The following AGBL4 variants were observed in gnomAD, a reference collection of about 807,000 sequenced individuals.
The protein encoded by AGBL4 is cytosolic carboxypeptidase 6.
Under a neutral mutation model 66.4 loss-of-function variants are expected in AGBL4, and 58 were observed. The observed-to-expected ratio is 0.87, with a 90% CI of 0.71 to 1.09. The LOEUF (loss-of-function observed/expected upper bound fraction) is 1.09, where lower values mean the gene tolerates loss of function less well. AGBL4 is among the 50% of genes least tolerant of loss of function. AGBL4 has a pLI of 0.00. For missense variants in AGBL4, 579 were observed against 631.0 expected (o/e 0.92, Z 0.88); for synonymous variants, 234 against 222.9 (o/e 1.05, Z -0.44).
intron 3 of AGBL4, among the ~76,000 whole-genome samples, chr1:49,390,893 C>G (rs1644831084): frequency 6.6e-6 from 1 of 152,016 alleles, no homozygotes; most frequent in Non-Finnish European, 1.5e-5. Context: ...TTTTAAGGAG[C>G]TCATAGAGAA....
chr1:49,193,132 T>C (rs1310893937), intron 4 of AGBL4, among the ~76,000 whole-genome samples: 1 of 152,212 alleles, frequency 6.6e-6, no homozygotes, highest in Non-Finnish European at 1.5e-5. Context: ...TAGCAGTTTA[T>C]CAATTTTAAC....
chr1:49,006,015 A>G (rs573285589), intron 5 of AGBL4, among the ~76,000 whole-genome samples: 23 of 149,486 alleles, frequency 1.5e-4, no homozygotes, highest in South Asian at 4.2e-4. Flanking sequence ...AAAAAAAGGG[A>G]GGAGGAGCCA....
chr1:49,981,637 A>G (rs895948229), intron 1 of AGBL4, among the ~76,000 whole-genome samples: 6 of 152,148 alleles, frequency 3.9e-5, no homozygotes, highest in African/African-American at 1.4e-4. Context: ...AGCTCCACCA[A>G]TGACTAGCTA....
chr1:48,541,817 T>C (rs895676248), intron 11 of AGBL4, among the ~76,000 whole-genome samples: 1 of 152,194 alleles, frequency 6.6e-6, no homozygotes, highest in Non-Finnish European at 1.5e-5. Context: ...CTAATACTTA[T>C]ATAATGTTTA....
chr1:49,508,924 A>G (rs1039857292), intron 3 of AGBL4, among the ~76,000 whole-genome samples: 2 of 151,980 alleles, frequency 1.3e-5, no homozygotes, highest in Admixed American at 1.3e-4. Context: ...AATTCATCCA[A>G]TAAGACATGA....
chr1:48,532,257 T>C (rs1471790331), downstream of AGBL4, among the ~76,000 whole-genome samples: 1 of 152,214 alleles, frequency 6.6e-6, no homozygotes, highest in African/African-American at 2.4e-5. Flanking sequence ...TAAACTTTCA[T>C]AACTATTATA....
chr1:49,136,184 A>C (rs1417234306), intron 4 of AGBL4, among the ~76,000 whole-genome samples: 1 of 152,182 alleles, frequency 6.6e-6, no homozygotes, highest in South Asian at 2.1e-4. Flanking sequence ...CTACAACAAC[A>C]GAAAATCTTC....
Position 48,533,874 on chromosome 1 carries a change from A to G in AGBL4, c.*299T>C. The stretch of plus-strand genomic sequence containing the variant: ...CCTGATATGTGTCAAATCTCTTAAA[A>G]GGGATGTGTAGGTTTTCCTCATCTT... On this transcript the variant is annotated 3_prime_UTR_variant, in exon 14 of 14. Coordinates refer to ENST00000371839, the MANE Select transcript of AGBL4 (RefSeq NM_032785.4). 1 of 407,870 alleles carries G rather than the reference A, an allele frequency of 2.5e-6. No homozygotes were observed. The highest frequency in any genetic ancestry group is 5.4e-5 in the East Asian group (1 of 18,412). 25.3% of individuals were successfully genotyped at this position (407,870 alleles called of 1,614,324 possible). A position where few individuals can be genotyped will look rare whatever the true frequency, so the allele number is the denominator to read the frequency against.
chr1:49,247,621 C>T (rs2148331672), intron 3 of AGBL4, among the ~76,000 whole-genome samples: 1 of 152,126 alleles, frequency 6.6e-6, no homozygotes, highest in South Asian at 2.1e-4. Context: ...AGATCCATTT[C>T]CAGTGAACCT....
At chr1:49,647,701 C>G (rs1645916551) in intron 3 of AGBL4, among the ~76,000 whole-genome samples, 3 of 152,028 alleles carry the variant, frequency 2.0e-5, no homozygotes, top group Admixed American at 1.3e-4. Context: ...ACTATGTAAT[C>G]AGAGCCTAAC....
At chr1:49,336,511 A>G (rs1645439967) in intron 3 of AGBL4, among the ~76,000 whole-genome samples, 1 of 152,238 alleles carries the variant, frequency 6.6e-6, no homozygotes, top group Non-Finnish European at 1.5e-5. Context: ...GTTGACACAT[A>G]AAATGAATCA....
chr1:49,562,712 C>A (rs1383964562), intron 3 of AGBL4, among the ~76,000 whole-genome samples: 1 of 151,994 alleles, frequency 6.6e-6, no homozygotes, highest in Non-Finnish European at 1.5e-5. Flanking sequence ...GTTACTGTGG[C>A]CTTGTAGTAT....
intron 6 of AGBL4, among the ~76,000 whole-genome samples, chr1:48,760,707 TG>T (rs1180228027): frequency 6.6e-6 from 1 of 152,270 alleles, no homozygotes; most frequent in African/African-American, 2.4e-5. Flanking sequence ...AATCAGACCA[TG>T]GTCAATGCAG....
At position 49,584,661 on chromosome 1, in the gene AGBL4, C is replaced by T. The variant is rs544485936; in HGVS notation, c.282+112652G>A. ...GCTTATGAAGACTCTCTTTAAGAAACCGAAAACAATATTATGAATATGAAA... is the reference window on the plus strand; with the variant it reads ...GCTTATGAAGACTCTCTTTAAGAAATCGAAAACAATATTATGAATATGAAA... On this transcript the variant is annotated intron_variant, in intron 3 of 13. Coordinates refer to ENST00000371839, the MANE Select transcript of AGBL4 (RefSeq NM_032785.4). 5.3e-5 allele frequency among the ~76,000 whole-genome samples: 8 copies of T among 152,044 alleles called. No individual in the cohort carries two copies. The East Asian group carries it at 1.5e-3, about 29-fold the overall frequency.
chr1:49,233,015 C>T (rs960977140), intron 4 of AGBL4, among the ~76,000 whole-genome samples: 3 of 152,168 alleles, frequency 2.0e-5, no homozygotes, highest in African/African-American at 7.2e-5. Context: ...CCAATCACTA[C>T]TGATGGGTAC....
At chr1:49,739,733 G>C (rs926736975) in intron 2 of AGBL4, among the ~76,000 whole-genome samples, 23 of 152,300 alleles carry the variant, frequency 1.5e-4, no homozygotes, top group African/African-American at 2.9e-4. Flanking sequence ...CCAGAAGAGA[G>C]TGGGGGCCAA....
intron 4 of AGBL4, among the ~76,000 whole-genome samples, chr1:49,200,748 C>T (rs1261852854): frequency 1.3e-5 from 2 of 152,172 alleles, no homozygotes; most frequent in African/African-American, 4.8e-5. Flanking sequence ...AGGGCCACCT[C>T]CATGTGCTTA....
chr1:49,912,778 C>G (rs1452559834), intron 1 of AGBL4, among the ~76,000 whole-genome samples: 1 of 152,134 alleles, frequency 6.6e-6, no homozygotes, highest in Non-Finnish European at 1.5e-5. Flanking sequence ...GTTCTGTAGG[C>G]TGCAAAGTCC....
chr1:48,700,938 C>T (rs1471350883), intron 6 of AGBL4, among the ~76,000 whole-genome samples: 1 of 152,116 alleles, frequency 6.6e-6, no homozygotes, highest in African/African-American at 2.4e-5. Flanking sequence ...CTCCTCCCAC[C>T]CCAACGAGAA....
Sources: gnomAD v4.1 joint callset for allele counts (sites outside exome capture counted in the v4.1 genomes callset) on GRCh38, gnomAD v4.1.1 for gene constraint, MANE v1.5 for transcripts, NCBI Gene and HGNC (gene_info 2026-07-23, HGNC 2026-07-21) for gene names.